Variants in TEX11 observed in about 807,000 individuals in gnomAD.
TEX11 encodes the protein testis-expressed protein 11.
TEX11 carries 7 observed loss-of-function variants against 84.4 expected under a neutral mutation model. The ratio of observed to expected loss-of-function variants is 0.08; its 90% confidence interval spans 0.05 to 0.16. TEX11 has a LOEUF of 0.16. Ranked by LOEUF, TEX11 falls within the 10% of genes least tolerant of loss-of-function variation. The pLI is 1.00. For missense variants in TEX11, 551 were observed against 660.5 expected, an observed-to-expected ratio of 0.83 and a Z score of 1.82; for synonymous variants, 264 against 222.8, an observed-to-expected ratio of 1.18 and a Z score of -1.64.
chrX:70,661,834 A>G (rs1291025411), intron 16 of TEX11, among the ~76,000 whole-genome samples: 3 of 111,988 alleles, frequency 2.7e-5, no homozygotes, highest in Non-Finnish European at 5.6e-5. Flanking sequence ...AAACTAACAA[A>G]CAGAAAGGAC....
chrX:70,632,040 A>T (rs1392150642), intron 17 of TEX11, among the ~76,000 whole-genome samples: 1 of 98,049 alleles, frequency 1.0e-5, no homozygotes, highest in African/African-American at 3.7e-5. Context: ...CATAATATTA[A>T]CAAATGGGAA....
intron 11 of TEX11, among the ~76,000 whole-genome samples, chrX:70,738,715 A>T (rs189672992): frequency 8.9e-6 from 1 of 112,242 alleles, no homozygotes; most frequent in Non-Finnish European, 1.9e-5. Flanking sequence ...CCCATCAATG[A>T]TAGACTGGAT....
intron 7 of TEX11, among the ~76,000 whole-genome samples, chrX:70,842,276 A>C (rs1422013591): frequency 7.2e-5 from 8 of 111,427 alleles, no homozygotes; most frequent in East Asian, 2.8e-4. Context: ...CAAAAAGCTT[A>C]TCCACCATGA....
chrX:70,875,737 G>A (rs902163127), intron 3 of TEX11, among the ~76,000 whole-genome samples: 4 of 110,783 alleles, frequency 3.6e-5, no homozygotes, highest in Non-Finnish European at 7.6e-5. Flanking sequence ...GCGACAGAGC[G>A]AGACTCTGCC....
intron 13 of TEX11, among the ~76,000 whole-genome samples, chrX:70,694,837 G>A (rs775892159): frequency 4.9e-4 from 55 of 111,321 alleles, no homozygotes; most frequent in East Asian, 1.7e-3. Context: ...AAGGGGAAGC[G>A]GATAGGAGCA....
chrX:70,715,199 G>A (rs2090485457), intron 13 of TEX11, among the ~76,000 whole-genome samples: 2 of 107,876 alleles, frequency 1.9e-5, no homozygotes, highest in African/African-American at 3.6e-5. Context: ...TGGGCAACCC[G>A]ACCTTTCTCT....
At chrX:70,857,585 C>T in intron 5 of TEX11, 1 of 271,317 alleles carries the variant, frequency 3.7e-6, no homozygotes, top group Non-Finnish European at 6.9e-6. Flanking sequence ...TCATATATCT[C>T]AAAATGGTTC....
At position 70,677,710 on chromosome X, in the gene TEX11, C is replaced by T. The variant is rs200641013; in HGVS notation, c.1242+1094G>A. Among the ~76,000 whole-genome samples the T allele has an allele frequency of 4.5e-5, 5 of 110,748 alleles. No homozygotes were observed. The East Asian group carries it at 1.4e-3, about 31-fold the overall frequency. ...GCTGCATCTCAAATCAGGACGCTTG[C>T]CAGGCTCTGCTTCAGATCCCCTTCT... is the stretch of plus-strand genomic sequence containing the variant. On this transcript the variant is annotated intron_variant, in intron 15 of 29. Coordinates refer to ENST00000374333, the MANE Select transcript of TEX11 (RefSeq NM_031276.3).
At chrX:70,773,993 C>T (rs1008763337) in intron 9 of TEX11, among the ~76,000 whole-genome samples, 3 of 110,608 alleles carry the variant, frequency 2.7e-5, no homozygotes, top group African/African-American at 6.6e-5. Context: ...GCCACAGGAA[C>T]GCCCCTAGAC....
At chrX:70,747,657 A>G (rs1284490853) in intron 9 of TEX11, among the ~76,000 whole-genome samples, 1 of 112,054 alleles carries the variant, frequency 8.9e-6, no homozygotes, top group Non-Finnish European at 1.9e-5. Flanking sequence ...ACGTCCAAAG[A>G]ATTTTTTAAA....
chrX:70,531,521 TAAAC>T (rs79824580), intron 28 of TEX11, among the ~76,000 whole-genome samples: 17 of 110,498 alleles, frequency 1.5e-4, no homozygotes, highest in African/African-American at 4.6e-4. Flanking sequence ...AAAAATGACT[TAAAC>T]AAACAAACAA....
At chrX:70,703,613 A>AT (rs2147686266) in intron 13 of TEX11, among the ~76,000 whole-genome samples, 1 of 111,368 alleles carries the variant, frequency 9.0e-6, no homozygotes, top group African/African-American at 3.3e-5. Flanking sequence ...GTGGGGTTGG[A>AT]TTTTCCCATT....
At chrX:70,693,245 A>G (rs1008455305) in intron 13 of TEX11, among the ~76,000 whole-genome samples, 3 of 111,544 alleles carry the variant, frequency 2.7e-5, no homozygotes, top group African/African-American at 9.8e-5. Context: ...CCATCTCAAA[A>G]AAAAAAATTC....
At chrX:70,564,915 T>C (rs1603071528) in intron 25 of TEX11, among the ~76,000 whole-genome samples, 1 of 109,957 alleles carries the variant, frequency 9.1e-6, no homozygotes, top group South Asian at 4.0e-4. Flanking sequence ...TTTGGGTATA[T>C]ACCCAGTAAT....
At chrX:70,642,278 T>C (rs2089671021) in intron 17 of TEX11, among the ~76,000 whole-genome samples, 1 of 111,632 alleles carries the variant, frequency 9.0e-6, no homozygotes, top group East Asian at 2.8e-4. Flanking sequence ...CAATAATCAA[T>C]AGCTTACCAA....
intron 2 of TEX11, among the ~76,000 whole-genome samples, chrX:70,898,238 TTATAA>T (rs1229922766): frequency 1.8e-5 from 2 of 111,752 alleles, no homozygotes; most frequent in Middle Eastern, 4.6e-3. Flanking sequence ...AATTTAAAAA[TTATAA>T]TATAATGTAA....
At chrX:70,535,779 T>A (rs1373571850) in intron 28 of TEX11, among the ~76,000 whole-genome samples, 2 of 109,582 alleles carry the variant, frequency 1.8e-5, no homozygotes, top group Non-Finnish European at 3.8e-5. Flanking sequence ...ATGGGTTTTT[T>A]TTTTTTTCAT....
chrX:70,516,635 T>C, the TEX11 span, among the ~76,000 whole-genome samples: 1 of 111,401 alleles, frequency 9.0e-6, no homozygotes, highest in African/African-American at 3.3e-5. Context: ...AACTTTAAAG[T>C]AGTTTTTTCC....
intron 8 of TEX11, among the ~76,000 whole-genome samples, chrX:70,823,866 G>C (rs1290064475): frequency 9.1e-6 from 1 of 110,008 alleles, no homozygotes; most frequent in Non-Finnish European, 1.9e-5. Flanking sequence ...ACAAAGATTA[G>C]CCAGGCATAG....
Sources: gnomAD v4.1 joint callset for allele counts (sites outside exome capture counted in the v4.1 genomes callset) on GRCh38, gnomAD v4.1.1 for gene constraint, MANE v1.5 for transcripts, NCBI Gene and HGNC (gene_info 2026-07-23, HGNC 2026-07-21) for gene names.